Variants in KAT6B observed in about 807,000 individuals in gnomAD.
KAT6B encodes the protein histone acetyltransferase KAT6B.
A neutral mutation model predicts 187.5 loss-of-function variants in KAT6B; 10 were observed. The ratio of observed to expected loss-of-function variants is 0.05; its 90% CI spans 0.03 to 0.09. KAT6B has a LOEUF of 0.09. Ranked by LOEUF, KAT6B falls within the 10% of genes least tolerant of loss-of-function variation. The pLI, the probability that KAT6B is intolerant of heterozygous loss-of-function variation, is 1.00. For synonymous variants in KAT6B, 861 were observed against 926.8 expected (o/e 0.93, Z 1.29); for missense variants, 1,952 against 2,558.9 (o/e 0.76, Z 5.12).
chr10:74,902,725 C>T (rs765428148), intron 3 of KAT6B, among the ~76,000 whole-genome samples: 5 of 152,148 alleles, frequency 3.3e-5, no homozygotes, highest in Admixed American at 6.5e-5. Flanking sequence ...GTCAGGCCTA[C>T]GTTAAAAACT....
intron 3 of KAT6B, among the ~76,000 whole-genome samples, chr10:74,920,778 A>G (rs1848051005): frequency 6.6e-6 from 1 of 152,138 alleles, no homozygotes; most frequent in South Asian, 2.1e-4. Flanking sequence ...GACTGCTTTT[A>G]TACCCCAACA....
At chr10:74,907,628 C>G (rs1046488419) in intron 3 of KAT6B, among the ~76,000 whole-genome samples, 1 of 152,088 alleles carries the variant, frequency 6.6e-6, no homozygotes, top group African/African-American at 2.4e-5. Context: ...CTCCTGGGTT[C>G]AAGCAATTCT....
intron 3 of KAT6B, among the ~76,000 whole-genome samples, chr10:74,869,407 C>T (rs1190556467): frequency 4.6e-5 from 7 of 152,038 alleles, no homozygotes; most frequent in South Asian, 2.1e-4. Flanking sequence ...AGGTGATTCT[C>T]CTGCTTCAGC....
At chr10:74,833,893 T>G (rs979095330) in intron 1 of KAT6B, among the ~76,000 whole-genome samples, 1 of 152,236 alleles carries the variant, frequency 6.6e-6, no homozygotes, top group African/African-American at 2.4e-5. Flanking sequence ...AATATTCAGT[T>G]CAACCAGCGT....
chr10:74,909,284 T>G (rs1028214896), intron 3 of KAT6B, among the ~76,000 whole-genome samples: 19 of 152,234 alleles, frequency 1.2e-4, no homozygotes, highest in African/African-American at 3.6e-4. Context: ...GGCAGGAGAC[T>G]CGCTTGAACC....
rs60886313 is a variant in KAT6B, at chr10:74,830,770, T to TATATGTATATATATA, written c.-329+3985_-329+3986insATATGTATATATATA. Among the ~76,000 whole-genome samples, 26 of 9,632 alleles carry TATATGTATATATATA rather than the reference T, an allele frequency of 2.7e-3. 1 individual carries two copies. The highest frequency in any genetic ancestry group is 4.6e-3 in the Non-Finnish European group (22 of 4,834). 6.3% of individuals were successfully genotyped at this position (9,632 alleles called of 152,430 possible). On this transcript the variant is annotated intron_variant, in intron 1 of 17. Coordinates refer to ENST00000287239, the MANE Select transcript of KAT6B (RefSeq NM_012330.4). ...TATATATATATATATATATATATAT[T>TATATGTATATATATA]TTTTTTTTTTTTTTTTTTTTTTTTT...
At chr10:74,996,661 C>T (rs961703225) in intron 13 of KAT6B, among the ~76,000 whole-genome samples, 27 of 150,146 alleles carry the variant, frequency 1.8e-4, no homozygotes, top group African/African-American at 9.8e-5. Flanking sequence ...CCCAGCTACT[C>T]GGGAGGCTGA....
At chr10:75,015,714 G>T (rs1844932627) in intron 13 of KAT6B, among the ~76,000 whole-genome samples, 1 of 152,202 alleles carries the variant, frequency 6.6e-6, no homozygotes, top group Non-Finnish European at 1.5e-5. Flanking sequence ...AGACCTTTCA[G>T]CAGGATTTGC....
At chr10:74,981,759 A>G (rs774216273) in intron 10 of KAT6B, 28 bp from the exon 11 acceptor site, 1 of 1,419,792 alleles carries the variant, frequency 7.0e-7, no homozygotes, top group Non-Finnish European at 9.9e-7. Flanking sequence ...TCTATCTGAT[A>G]GATTCTATGA....
chr10:74,891,340 A>G (rs1480574718), intron 3 of KAT6B, among the ~76,000 whole-genome samples: 2 of 152,236 alleles, frequency 1.3e-5, no homozygotes, highest in Non-Finnish European at 2.9e-5. Flanking sequence ...GACCTTAAGA[A>G]TCTGAAATGT....
rs548430415 is a variant in KAT6B at position 75,016,917 on chromosome 10, G to A, written c.2630-3665G>A. 2.9e-4 allele frequency among the ~76,000 whole-genome samples: 41 copies of A among 143,042 alleles called. 1 individual carries two copies. In the South Asian group the frequency reaches 8.9e-3, roughly 31 times the overall value. 93.8% of individuals were successfully genotyped at this position (143,042 alleles called of 152,430 possible). On this transcript the variant is annotated intron_variant, in intron 13 of 17. Coordinates refer to ENST00000287239, the MANE Select transcript of KAT6B (RefSeq NM_012330.4). ...TCACTCTTGTTGCCCAGGCTGGAGT[G>A]CAATGGCATGATCTCGGCTCACTGC...
At chr10:74,963,849 C>T (rs1191893172) in intron 4 of KAT6B, among the ~76,000 whole-genome samples, 3 of 152,030 alleles carry the variant, frequency 2.0e-5, no homozygotes, top group African/African-American at 7.2e-5. Flanking sequence ...AGAGGCCAGG[C>T]GCTGTGGCTC....
At chr10:75,009,138 G>A (rs546822610) in intron 13 of KAT6B, among the ~76,000 whole-genome samples, 1 of 152,296 alleles carries the variant, frequency 6.6e-6, no homozygotes, top group South Asian at 2.1e-4. Context: ...AATGATGATT[G>A]CAGTGTGATT....
intron 2 of KAT6B, among the ~76,000 whole-genome samples, chr10:74,839,251 A>G (rs1379594196): frequency 1.4e-5 from 2 of 140,662 alleles, no homozygotes; most frequent in Admixed American, 1.4e-4. Context: ...TTTTTTTGAG[A>G]TGGAGTTTCG....
chr10:74,846,084 G>A (rs1473143859), intron 3 of KAT6B, among the ~76,000 whole-genome samples: 1 of 151,908 alleles, frequency 6.6e-6, no homozygotes, highest in African/African-American at 2.4e-5. Flanking sequence ...GGCTGGTCTC[G>A]ATCTCCTGGG....
intron 6 of KAT6B, 56 bp downstream of exon 6, chr10:74,970,157 C>A: frequency 7.4e-7 from 1 of 1,352,194 alleles, no homozygotes; most frequent in Non-Finnish European, 1.1e-6. Flanking sequence ...TTAGCTTTGT[C>A]CTGAGGTCTG....
At chr10:74,934,998 A>G (rs1038222149) in intron 3 of KAT6B, among the ~76,000 whole-genome samples, 6 of 152,232 alleles carry the variant, frequency 3.9e-5, no homozygotes, top group African/African-American at 1.4e-4. Context: ...TGAAGAAAGC[A>G]GGTTCTGAGA....
chr10:74,997,392 C>G (rs928038090), intron 13 of KAT6B, among the ~76,000 whole-genome samples: 1 of 152,138 alleles, frequency 6.6e-6, no homozygotes, highest in Admixed American at 6.5e-5. Context: ...TCCTAAGAGT[C>G]CTGCATTTAT....
chr10:74,887,949 G>A (rs1845400301), intron 3 of KAT6B, among the ~76,000 whole-genome samples: 1 of 151,992 alleles, frequency 6.6e-6, no homozygotes, highest in East Asian at 1.9e-4. Flanking sequence ...TTGTGCCACT[G>A]CAGCCCAGCC....
Sources: gnomAD v4.1 joint callset for allele counts (sites outside exome capture counted in the v4.1 genomes callset) on GRCh38, gnomAD v4.1.1 for gene constraint, MANE v1.5 for transcripts, NCBI Gene and HGNC (gene_info 2026-07-23, HGNC 2026-07-21) for gene names.